Variants in PJA2 observed in about 807,000 individuals in gnomAD.
PJA2 encodes E3 ubiquitin-protein ligase Praja-2.
A neutral mutation model predicts 69.3 loss-of-function variants in PJA2; 25 were observed. The observed-to-expected ratio is 0.36, with a 90% CI of 0.26 to 0.50. The LOEUF is 0.50. Ranked by LOEUF, PJA2 falls within the 20% of genes least tolerant of loss-of-function variation. The pLI is 0.96. For missense variants in PJA2, 809 were observed against 830.2 expected, an observed-to-expected ratio of 0.97 and a Z score of 0.31; for synonymous variants, 308 against 277.8, an observed-to-expected ratio of 1.11 and a Z score of -1.08.
At chr5:109,379,337 T>C in intron 3 of PJA2, 83 bp from the exon 4 acceptor site, 1 of 977,452 alleles carries the variant, frequency 1.0e-6, no homozygotes, top group South Asian at 1.7e-5. Context: ...TAAGTGGAAA[T>C]CATACCAATT....
chr5:109,355,436 G>C (rs1762397688), intron 7 of PJA2, among the ~76,000 whole-genome samples: 1 of 152,210 alleles, frequency 6.6e-6, no homozygotes, highest in African/African-American at 2.4e-5. Context: ...AAGAGAAGCT[G>C]AGGCAGCAAA....
chr5:109,337,362 G>GAAAAAAA lies in PJA2; in HGVS notation c.2002-13_2002-7dup. ...CACACAGGGCATGTTCCCGACTGGA[G>GAAAAAAA]AAAAAAAAAATGTTAAGAGCCACCA... On this transcript the variant is annotated splice_region_variant and splice_polypyrimidine_tract_variant and intron_variant, in intron 9 of 9. Coordinates refer to ENST00000361189, the MANE Select transcript of PJA2 (RefSeq NM_014819.5). The GAAAAAAA allele has an allele frequency of 1.4e-6, 2 of 1,431,982 alleles. No individual in the cohort carries two copies. The highest frequency in any genetic ancestry group is 3.0e-5 in the African/African-American group (2 of 66,770). The allele number at this position is 1,431,982 out of a possible 1,614,324, so 88.7% of individuals were successfully genotyped here.
chr5:109,356,507 A>G (rs1428695400), intron 6 of PJA2, among the ~76,000 whole-genome samples: 2 of 152,168 alleles, frequency 1.3e-5, no homozygotes, highest in African/African-American at 4.8e-5. Context: ...AAAATCTAGG[A>G]AAAGAATCCC....
intron 7 of PJA2, among the ~76,000 whole-genome samples, chr5:109,354,292 T>TGATGTCTAGA (rs1762358211): frequency 7.0e-5 from 10 of 142,058 alleles, no homozygotes; most frequent in African/African-American, 2.5e-4. Flanking sequence ...TAGATATCTA[T>TGATGTCTAGA]GATATCTAGA....
intron 1 of PJA2, among the ~76,000 whole-genome samples, chr5:109,384,565 T>A (rs952864285): frequency 1.3e-5 from 2 of 152,202 alleles, no homozygotes; most frequent in African/African-American, 4.8e-5. Context: ...TAATTGCTCA[T>A]CATTAATGCA....
At chr5:109,387,381 C>G (rs974727462) in intron 1 of PJA2, among the ~76,000 whole-genome samples, 1 of 152,018 alleles carries the variant, frequency 6.6e-6, no homozygotes, top group Non-Finnish European at 1.5e-5. Flanking sequence ...GAATAAAGAC[C>G]ATAGCTAGGG....
chr5:109,344,571 G>C (rs1762142547), intron 8 of PJA2, 134 bp downstream of exon 8: 2 of 672,030 alleles, frequency 3.0e-6, no homozygotes, highest in East Asian at 5.7e-5. Flanking sequence ...GTGAAAGTTT[G>C]TGAGCATCTG....
chr5:109,400,174 C>T (rs2127017685), intron 1 of PJA2, among the ~76,000 whole-genome samples: 1 of 151,800 alleles, frequency 6.6e-6, no homozygotes, highest in East Asian at 1.9e-4. Flanking sequence ...CCCATAATTC[C>T]AGCTACTCAG....
chr5:109,345,351 C>T (rs1316232890), intron 7 of PJA2, among the ~76,000 whole-genome samples: 1 of 144,930 alleles, frequency 6.9e-6, no homozygotes, highest in African/African-American at 2.6e-5. Context: ...AACGAAACTC[C>T]ATCTCAAAAA....
intron 1 of PJA2, chr5:109,390,806 T>C (rs568713112): frequency 6.6e-6 from 1 of 152,162 alleles, no homozygotes; most frequent in Admixed American, 6.5e-5. Flanking sequence ...TGATATTTCC[T>C]AGAAGCTCTA....
In PJA2 at chr5:109,378,834, G is replaced by T. The variant is rs1381198874; in HGVS notation, c.653C>A (p.Pro218Gln). ...TACTTCACAGTTAAATGAGGGAACT[G>T]GTGGTGAAAGACCAGTGTATGCCTC... The part of the protein sequence containing the change: ...EAEAYTGLSP[P>Q]VPSFNCEVRD... Residue 218 changes from proline (P) to glutamine (Q), a missense_variant, in exon 4 of 10, where the codon CCA becomes CAA. This residue lies in a region of PJA2 where 700 missense variants were observed against 639.5 expected (regional missense o/e 1.09). Coordinates refer to ENST00000361189, the MANE Select transcript of PJA2 (RefSeq NM_014819.5). 6.2e-7 allele frequency: 1 copy of T among 1,613,646 alleles called. No individual in the cohort carries two copies. Among genetic ancestry groups the T allele is most frequent in the Non-Finnish European group, 8.5e-7 (1 of 1,180,012 alleles).
intron 6 of PJA2, 128 bp from the exon 7 acceptor site, chr5:109,356,154 T>C (rs1007818573): frequency 4.8e-6 from 3 of 630,090 alleles, no homozygotes; most frequent in Non-Finnish European, 8.2e-6. Flanking sequence ...CCTTAAAATA[T>C]TTTAATACCA....
chr5:109,343,529 G>A (rs1334078803), intron 9 of PJA2, among the ~76,000 whole-genome samples: 2 of 151,950 alleles, frequency 1.3e-5, no homozygotes, highest in African/African-American at 4.8e-5. Flanking sequence ...AGTGCCAAAG[G>A]CTTCTCTGCT....
In PJA2 at chr5:109,345,065, G is replaced by A. The variant is rs144155870; in HGVS notation, c.1765-246C>T. The stretch of plus-strand genomic sequence containing the variant: ...AATAAAAATATACCTTGTCTCGGCC[G>A]GGCGCAATGGCTCATGCCTGTAATC... On this transcript the variant is annotated intron_variant, in intron 7 of 9. Transcript: ENST00000361189. Among the ~76,000 whole-genome samples, 137 of 151,696 alleles carry A rather than the reference G, an allele frequency of 9.0e-4. 1 individual carries two copies. The highest frequency in any genetic ancestry group is 3.9e-3 in the East Asian group (20 of 5,156).
chr5:109,341,670 GGCC>G (rs1762064742), intron 9 of PJA2, among the ~76,000 whole-genome samples: 1 of 27,108 alleles, frequency 3.7e-5, no homozygotes, highest in Admixed American at 2.3e-4. Context: ...CCCTCCGCCC[GGCC>G]AGCCGCCCCG....
chr5:109,373,973 C>A (rs1762718381), intron 4 of PJA2, among the ~76,000 whole-genome samples: 1 of 152,182 alleles, frequency 6.6e-6, no homozygotes, highest in African/African-American at 2.4e-5. Flanking sequence ...GCATTTATCA[C>A]AGCCACAAGA....
At chr5:109,340,524 A>G (rs1160947321) in intron 9 of PJA2, among the ~76,000 whole-genome samples, 1 of 151,498 alleles carries the variant, frequency 6.6e-6, no homozygotes, top group African/African-American at 2.4e-5. Context: ...TGGATGGTAA[A>G]TATCCTTTAT....
intron 5 of PJA2, among the ~76,000 whole-genome samples, chr5:109,364,228 T>C (rs972958408): frequency 6.6e-6 from 1 of 152,210 alleles, no homozygotes; most frequent in African/African-American, 2.4e-5. Context: ...TTAAATCCCT[T>C]AAATAAACTT....
At chr5:109,346,749 G>C (rs1422345185) in intron 7 of PJA2, among the ~76,000 whole-genome samples, 2 of 152,160 alleles carry the variant, frequency 1.3e-5, no homozygotes, top group Admixed American at 1.3e-4. Context: ...GCCAGGGGCT[G>C]GAAAGATGGG....
Sources: gnomAD v4.1 joint callset for allele counts (sites outside exome capture counted in the v4.1 genomes callset) on GRCh38, gnomAD v4.1.1 for gene constraint, gnomAD v4.1.1 regional missense constraint, MANE v1.5 for transcripts, NCBI Gene and HGNC (gene_info 2026-07-23, HGNC 2026-07-21) for gene names.